Variants in THSD7B observed in about 807,000 individuals in gnomAD.
THSD7B encodes the protein thrombospondin type-1 domain-containing protein 7B.
Under a neutral mutation model 213.6 loss-of-function variants are expected in THSD7B, and 138 were observed. The ratio of observed to expected loss-of-function variants is 0.65; its 90% confidence interval spans 0.56 to 0.74. The LOEUF (loss-of-function observed/expected upper bound fraction) is 0.74, where lower values mean the gene tolerates loss of function less well. Ranked by LOEUF, THSD7B falls within the 30% of genes least tolerant of loss-of-function variation. The pLI, the probability that THSD7B is intolerant of heterozygous loss-of-function variation, is 0.00. For synonymous variants in THSD7B, 742 were observed against 687.0 expected, an observed-to-expected ratio of 1.08 and a Z score of -1.25; for missense variants, 1,931 against 1,991.5, an observed-to-expected ratio of 0.97 and a Z score of 0.58.
chr2:136,864,760 G>A (rs1484153620), intron 1 of THSD7B, among the ~76,000 whole-genome samples: 1 of 152,126 alleles, frequency 6.6e-6, no homozygotes, highest in Non-Finnish European at 1.5e-5. Context: ...CCCCATGTTA[G>A]CCAGGATGGT....
intron 7 of THSD7B, among the ~76,000 whole-genome samples, chr2:137,192,587 C>T (rs1680678522): frequency 6.6e-6 from 1 of 152,026 alleles, no homozygotes; most frequent in Non-Finnish European, 1.5e-5. Flanking sequence ...GGGCATTTTT[C>T]CAGAATAATG....
In THSD7B at chr2:137,439,035, G is replaced by T. The variant is rs144405542; in HGVS notation, c.2960-11810G>T. The stretch of plus-strand genomic sequence containing the variant: ...TATGCTGCCAAGCAAGGGCCACCAG[G>T]AGCCACCAGAAACTAGGAAAGGCAA... On this transcript the variant is annotated intron_variant, in intron 14 of 27. Transcript: ENST00000409968. Among the ~76,000 whole-genome samples the T allele has an allele frequency of 2.0e-4, 31 of 152,120 alleles. No individual in the cohort carries two copies. In the East Asian group the frequency reaches 6.0e-3, roughly 29 times the overall value.
chr2:137,200,846 A>G (rs1680861124), intron 7 of THSD7B, among the ~76,000 whole-genome samples: 1 of 148,504 alleles, frequency 6.7e-6, no homozygotes, highest in Non-Finnish European at 1.5e-5. Context: ...ATTTAGATAT[A>G]TATTGAAGAG....
chr2:137,393,952 A>G (rs1686108780), intron 12 of THSD7B, among the ~76,000 whole-genome samples: 1 of 138,040 alleles, frequency 7.2e-6, no homozygotes, highest in Non-Finnish European at 1.6e-5. Context: ...GGCTGCATAA[A>G]TGTCTTCTTT....
At chr2:137,208,736 G>A (rs1020298985) in intron 7 of THSD7B, among the ~76,000 whole-genome samples, 1 of 151,970 alleles carries the variant, frequency 6.6e-6, no homozygotes, top group African/African-American at 2.4e-5. Context: ...TTGTCCTCAA[G>A]CACTGAGTCA....
chr2:137,458,472 A>T (rs551699536), intron 15 of THSD7B, among the ~76,000 whole-genome samples: 35 of 152,148 alleles, frequency 2.3e-4, no homozygotes, highest in Non-Finnish European at 3.8e-4. Context: ...TTTCAAAAAA[A>T]TGCATCAGGA....
chr2:137,560,708 TAATAA>T (rs984428633), intron 15 of THSD7B, among the ~76,000 whole-genome samples: 1 of 151,942 alleles, frequency 6.6e-6, no homozygotes, highest in Non-Finnish European at 1.5e-5. Flanking sequence ...ACTTAAGGTA[TAATAA>T]AATATATATA....
chr2:137,051,989 T>C (rs138944149), intron 2 of THSD7B, among the ~76,000 whole-genome samples: 216 of 152,306 alleles, frequency 1.4e-3, no homozygotes, highest in African/African-American at 5.1e-3. Flanking sequence ...GGATAAAATT[T>C]GCCTGTGCTT....
intron 1 of THSD7B, among the ~76,000 whole-genome samples, chr2:136,787,819 T>G (rs943459322): frequency 8.4e-6 from 1 of 119,618 alleles, no homozygotes; most frequent in African/African-American, 3.1e-5. Context: ...CAAGCAGAAC[T>G]TTTAAGAGCC....
intron 3 of THSD7B, among the ~76,000 whole-genome samples, chr2:137,086,889 C>A (rs1315840452): frequency 6.6e-6 from 1 of 152,152 alleles, no homozygotes; most frequent in Non-Finnish European, 1.5e-5. Context: ...TAACTCTAGG[C>A]AATACTCCTA....
intron 7 of THSD7B, among the ~76,000 whole-genome samples, chr2:137,183,350 T>TA (rs889364517): frequency 6.6e-6 from 1 of 152,092 alleles, no homozygotes; most frequent in Non-Finnish European, 1.5e-5. Context: ...TTTTGAGGGT[T>TA]AAAAAAGATA....
intron 15 of THSD7B, among the ~76,000 whole-genome samples, chr2:137,504,810 T>C (rs1167783958): frequency 6.6e-6 from 1 of 152,128 alleles, no homozygotes; most frequent in East Asian, 1.9e-4. Context: ...TAAAATAGTA[T>C]AGAGATGTGT....
intron 1 of THSD7B, among the ~76,000 whole-genome samples, chr2:136,829,438 A>G (rs1157648175): frequency 6.6e-6 from 1 of 152,044 alleles, no homozygotes; most frequent in Non-Finnish European, 1.5e-5. Flanking sequence ...AACCTTGGAG[A>G]GGACAGGCTT....
chr2:137,576,052 A>G (rs920786311), intron 17 of THSD7B, among the ~76,000 whole-genome samples: 1 of 152,080 alleles, frequency 6.6e-6, no homozygotes, highest in Non-Finnish European at 1.5e-5. Context: ...AAGTTTATAA[A>G]TTTCTGGATG....
At chr2:137,511,147 C>T (rs1679954831) in intron 15 of THSD7B, among the ~76,000 whole-genome samples, 1 of 152,062 alleles carries the variant, frequency 6.6e-6, no homozygotes, top group Non-Finnish European at 1.5e-5. Context: ...TTGATCTGTT[C>T]TGAAGTTTAT....
intron 3 of THSD7B, among the ~76,000 whole-genome samples, chr2:137,064,187 A>G (rs566736317): frequency 1.5e-4 from 23 of 152,122 alleles, no homozygotes; most frequent in Non-Finnish European, 2.6e-4. Context: ...TGTCATTTGT[A>G]TAAAACTCAT....
chr2:136,905,974 C>T (rs2105017610), intron 2 of THSD7B, among the ~76,000 whole-genome samples: 1 of 152,302 alleles, frequency 6.6e-6, no homozygotes, highest in South Asian at 2.1e-4. Flanking sequence ...TTTTGTTTGC[C>T]TAGGCAGCTC....
At chr2:137,339,140 C>G (rs538717275) in intron 12 of THSD7B, among the ~76,000 whole-genome samples, 56 of 152,044 alleles carry the variant, frequency 3.7e-4, no homozygotes, top group African/African-American at 1.3e-3. Flanking sequence ...AAATCAAAGA[C>G]TGATCCCTGA....
chr2:137,543,714 A>G (rs901712648), intron 15 of THSD7B, among the ~76,000 whole-genome samples: 3 of 151,798 alleles, frequency 2.0e-5, no homozygotes, highest in South Asian at 2.1e-4. Context: ...CAAACCATAC[A>G]TCTGATAAGG....
Sources: allele counts gnomAD v4.1 joint callset (sites outside exome capture counted in the v4.1 genomes callset), GRCh38; gene constraint gnomAD v4.1.1; transcripts MANE v1.5; gene names NCBI Gene and HGNC (gene_info 2026-07-23, HGNC 2026-07-21).